Variants in GRAMD1B observed in about 807,000 individuals in gnomAD.
The protein encoded by GRAMD1B is GRAM domain containing 1B.
GRAMD1B carries 37 observed loss-of-function variants against 99.7 expected under a neutral mutation model. That is an observed-to-expected ratio of 0.37 (90% CI 0.29 to 0.49). The LOEUF is 0.49. GRAMD1B is among the 20% of genes least tolerant of loss of function. The pLI, the probability that GRAMD1B is intolerant of heterozygous loss-of-function variation, is 0.98. For missense variants in GRAMD1B, 888 were observed against 1,009.2 expected (o/e 0.88, Z 1.63); for synonymous variants, 427 against 387.6 (o/e 1.10, Z -1.19).
chr11:123,620,592 G>A (rs1592319663), intron 19 of GRAMD1B, among the ~76,000 whole-genome samples: 1 of 151,698 alleles, frequency 6.6e-6, no homozygotes, highest in East Asian at 1.9e-4. Flanking sequence ...TAAACCAAAA[G>A]GGGACAGAAA....
intron 2 of GRAMD1B, among the ~76,000 whole-genome samples, chr11:123,516,658 G>A (rs577925869): frequency 3.9e-5 from 6 of 151,908 alleles, no homozygotes; most frequent in Middle Eastern, 3.2e-3. Flanking sequence ...ACCATTACTC[G>A]TCTGTTGATT....
chr11:123,560,913 A>G (rs1946695986), intron 2 of GRAMD1B, among the ~76,000 whole-genome samples: 1 of 152,136 alleles, frequency 6.6e-6, no homozygotes, highest in African/African-American at 2.4e-5. Flanking sequence ...TCCGGAGTCC[A>G]TGTTGTTTGC....
chr11:123,541,157 G>A (rs773670169), intron 2 of GRAMD1B, among the ~76,000 whole-genome samples: 4 of 152,048 alleles, frequency 2.6e-5, no homozygotes, highest in Non-Finnish European at 5.9e-5. Flanking sequence ...GTATTTTTTA[G>A]TACAGACGGA....
chr11:123,423,619 T>C (rs1164138678), intron 1 of GRAMD1B, among the ~76,000 whole-genome samples: 1 of 152,162 alleles, frequency 6.6e-6, no homozygotes, highest in Non-Finnish European at 1.5e-5. Flanking sequence ...GTCTCAGAGG[T>C]CATCAATGAC....
At chr11:123,485,870 A>G (rs1168075819) in intron 2 of GRAMD1B, among the ~76,000 whole-genome samples, 1 of 152,048 alleles carries the variant, frequency 6.6e-6, no homozygotes, top group Non-Finnish European at 1.5e-5. Flanking sequence ...GTGTGCCACC[A>G]TGCCTGGCTA....
At chr11:123,611,716 G>A (rs958191591) in intron 14 of GRAMD1B, among the ~76,000 whole-genome samples, 2 of 152,182 alleles carry the variant, frequency 1.3e-5, no homozygotes, top group South Asian at 4.1e-4. Flanking sequence ...ATAGGAAGGT[G>A]CCCATCCACG....
chr11:123,381,664 G>A (rs1330268038), intron 1 of GRAMD1B, among the ~76,000 whole-genome samples: 1 of 152,204 alleles, frequency 6.6e-6, no homozygotes, highest in Non-Finnish European at 1.5e-5. Context: ...TACAGCAAAG[G>A]CTCTAAGAGG....
At chr11:123,584,857 G>A (rs1488435166) in intron 4 of GRAMD1B, among the ~76,000 whole-genome samples, 2 of 152,170 alleles carry the variant, frequency 1.3e-5, no homozygotes, top group African/African-American at 2.4e-5. Flanking sequence ...TGTGGTGAAG[G>A]TGTGGCGTGG....
intron 2 of GRAMD1B, among the ~76,000 whole-genome samples, chr11:123,522,750 G>A (rs1436365602): frequency 6.6e-6 from 1 of 152,198 alleles, no homozygotes; most frequent in South Asian, 2.1e-4. Context: ...GGGCTCTCCT[G>A]TTCTTCCTTC....
At chr11:123,590,087 A>C (rs1161397491) in intron 4 of GRAMD1B, among the ~76,000 whole-genome samples, 1 of 152,044 alleles carries the variant, frequency 6.6e-6, no homozygotes, top group East Asian at 1.9e-4. Context: ...TGAGGACCAA[A>C]ATCTGTGCTT....
At chr11:123,493,542 G>A (rs1938861572) in intron 2 of GRAMD1B, among the ~76,000 whole-genome samples, 1 of 152,216 alleles carries the variant, frequency 6.6e-6, no homozygotes, top group South Asian at 2.1e-4. Flanking sequence ...CCTGGTGAGA[G>A]ACAGCTGCCT....
chr11:123,463,622 C>A (rs1474407939), intron 1 of GRAMD1B, among the ~76,000 whole-genome samples: 1 of 152,152 alleles, frequency 6.6e-6, no homozygotes, highest in East Asian at 1.9e-4. Flanking sequence ...GTCATTAGTC[C>A]TATGGCTCAA....
At chr11:123,556,232 A>G (rs1946166660) in intron 2 of GRAMD1B, among the ~76,000 whole-genome samples, 2 of 152,238 alleles carry the variant, frequency 1.3e-5, no homozygotes, top group Admixed American at 6.5e-5. Flanking sequence ...GCTTTTGCCT[A>G]TCATTCTCCA....
rs1401698380 is a variant in GRAMD1B, at chr11:123,625,747, G to A, written c.*3152G>A. On this transcript the variant is annotated 3_prime_UTR_variant, in exon 20 of 20. Transcript: ENST00000635736. ...TAGGTTCTAGCTTTGACATCATCTT[G>A]GGGGTTAGGCCAGAGGCTGGGAAGA... is the stretch of plus-strand genomic sequence containing the variant. 1 of 152,274 alleles carries A rather than the reference G, an allele frequency of 6.6e-6. No individual in the cohort carries two copies. Among genetic ancestry groups the A allele is most frequent in the African/African-American group, 2.4e-5 (1 of 41,436 alleles). 9.4% of individuals were successfully genotyped at this position (152,274 alleles called of 1,614,324 possible).
chr11:123,567,410 A>C (rs850293), intron 2 of GRAMD1B, among the ~76,000 whole-genome samples: 11,936 of 152,284 alleles, frequency 0.078, 671 homozygotes, highest in Admixed American at 0.16. Flanking sequence ...GATTTCTGAC[A>C]CTGGTTCTGT....
rs769186696 is a variant in GRAMD1B at position 123,603,524 on chromosome 11, C to A, written c.1149C>A (p.Asp383Glu). 6.2e-7 allele frequency: 1 copy of A among 1,609,912 alleles called. No homozygotes were observed. The change falls in exon 9 of 20, where the codon GAC becomes GAA. Residue 383 changes from aspartate to glutamate, a missense_variant. Transcript: ENST00000635736. ...ACGAGGACTACGTGCCCCCTGACGA[C>A]GACTTCAACACAATGGGGTGAGTGA... ...SDDEDYVPPDDDFNTMGYCEE... is the reference protein window; with the variant it reads ...SDDEDYVPPDEDFNTMGYCEE...
intron 2 of GRAMD1B, among the ~76,000 whole-genome samples, chr11:123,494,664 T>G (rs1411464142): frequency 6.6e-6 from 1 of 152,134 alleles, no homozygotes; most frequent in African/African-American, 2.4e-5. Context: ...TAATTATAGC[T>G]CAGCAAACTC....
intron 2 of GRAMD1B, among the ~76,000 whole-genome samples, chr11:123,529,490 G>C (rs1055423188): frequency 6.6e-6 from 1 of 152,166 alleles, no homozygotes; most frequent in Admixed American, 6.5e-5. Context: ...AATAGGGTAA[G>C]AGCTTTAGGC....
Position 123,404,444 on chromosome 11 carries a change from G to A in GRAMD1B, c.-176+45645G>A, listed in dbSNP as rs936273038. Among the ~76,000 whole-genome samples, 4 of 152,192 alleles carry A rather than the reference G, an allele frequency of 2.6e-5. No homozygotes were observed. The East Asian group carries it at 7.7e-4, about 29-fold the overall frequency. ...TTCCTTTATTTGACTGTTTTCAATA[G>A]AATAAATTAGTTTCTGAACAACTGA... On this transcript the variant is annotated intron_variant, in intron 1 of 20. Transcript: ENST00000638157.
Sources: allele counts gnomAD v4.1 joint callset (sites outside exome capture counted in the v4.1 genomes callset), GRCh38; gene constraint gnomAD v4.1.1; transcripts MANE v1.5; gene names NCBI Gene and HGNC (gene_info 2026-07-23, HGNC 2026-07-21).